The following MROH2B variants were observed in gnomAD, a reference collection of about 807,000 sequenced individuals.
MROH2B encodes the protein maestro heat-like repeat-containing protein family member 2B.
Under a neutral mutation model 208.6 loss-of-function variants are expected in MROH2B, and 177 were observed. That is an observed-to-expected ratio of 0.85 (90% CI 0.75 to 0.96). MROH2B has a LOEUF of 0.96. Ranked by LOEUF, MROH2B falls within the 40% of genes least tolerant of loss-of-function variation. The probability of loss-of-function intolerance (pLI) is 0.00; values close to 1 mark genes in which losing one functional copy is unlikely to be tolerated. For synonymous variants in MROH2B, 728 were observed against 659.0 expected (o/e 1.10, Z -1.60); for missense variants, 2,002 against 1,878.7 (o/e 1.07, Z -1.21).
In MROH2B at chr5:41,049,158, A is replaced by G. The variant is rs1743208883; in HGVS notation, c.1502-17T>C. 2 of 1,601,858 alleles carry G rather than the reference A, an allele frequency of 1.2e-6. No individual in the cohort carries two copies. The highest frequency in any genetic ancestry group is 1.7e-6 in the Non-Finnish European group (2 of 1,173,502). ...GAAGTTTCACTAGAAAGAGAAAGCA[A>G]TTTTCATCATCACTGCAGGGGTTAG... On this transcript the variant is annotated splice_polypyrimidine_tract_variant and intron_variant, in intron 14 of 41. Transcript: ENST00000399564.
intron 13 of MROH2B, among the ~76,000 whole-genome samples, chr5:41,049,750 G>A (rs1418947820): frequency 6.6e-6 from 1 of 152,172 alleles, no homozygotes; most frequent in African/African-American, 2.4e-5. Context: ...CACTTACCAA[G>A]TGCCAGTATT....
Position 41,033,966 on chromosome 5 carries a change from A to G in MROH2B, c.2215-102T>C, listed in dbSNP as rs535566563. The stretch of plus-strand genomic sequence containing the variant: ...ACCCATCAACCTGAAGGACAATAGT[A>G]AAGCAGGAGGTAGAGCCTTGCCAAG... On this transcript the variant is annotated intron_variant, in intron 21 of 41. Coordinates refer to ENST00000399564, the MANE Select transcript of MROH2B (RefSeq NM_173489.5). 2.1e-6 allele frequency: 3 copies of G among 1,404,808 alleles called. No homozygotes were observed. The East Asian group carries it at 1.0e-4, about 49-fold the overall frequency. 87.0% of individuals were successfully genotyped at this position (1,404,808 alleles called of 1,614,324 possible).
intron 33 of MROH2B, among the ~76,000 whole-genome samples, chr5:41,007,989 T>C (rs1741650172): frequency 6.6e-6 from 1 of 152,204 alleles, no homozygotes; most frequent in Non-Finnish European, 1.5e-5. Flanking sequence ...CTAAACGGTG[T>C]TTAAAGTGTC....
chr5:41,000,433 G>C (rs1390302672), intron 38 of MROH2B, 82 bp from the exon 39 acceptor site: 14 of 1,532,742 alleles, frequency 9.1e-6, no homozygotes, highest in Non-Finnish European at 1.2e-5. Flanking sequence ...ATAGTACTGG[G>C]AAAGAAGCAC....
intron 24 of MROH2B, among the ~76,000 whole-genome samples, chr5:41,027,515 C>T (rs1340533404): frequency 6.6e-6 from 1 of 152,048 alleles, no homozygotes; most frequent in Non-Finnish European, 1.5e-5. Flanking sequence ...GTTAGAATGG[C>T]AATCATTAAA....
At chr5:41,002,961 C>T (rs11951927) in intron 37 of MROH2B, among the ~76,000 whole-genome samples, 4,403 of 136,520 alleles carry the variant, frequency 0.032, 254 homozygotes, top group African/African-American at 0.11. Context: ...TTAAAAATTG[C>T]TTTTTTTTTT....
In MROH2B at chr5:41,018,088, T is replaced by C. The variant is rs981142149; in HGVS notation, c.2764-118A>G. The C allele has an allele frequency of 1.2e-5, 16 of 1,366,498 alleles. No homozygotes were observed. In the Admixed American group the frequency reaches 1.4e-4, roughly 12 times the overall value. The allele number at this position is 1,366,498 out of a possible 1,614,324, so 84.6% of individuals were successfully genotyped here. A position where few individuals can be genotyped will look rare whatever the true frequency, so the allele number is the denominator to read the frequency against. On this transcript the variant is annotated intron_variant, in intron 27 of 41. Transcript: ENST00000399564. ...CTCTGCAGGTCCTTAGAATGAAATTTGATCTTGCACTTTCTCCTAAAAGAT... is the reference window on the plus strand; with the variant it reads ...CTCTGCAGGTCCTTAGAATGAAATTCGATCTTGCACTTTCTCCTAAAAGAT...
Position 41,020,488 on chromosome 5 carries a change from T to C in MROH2B, c.2442-1470A>G, listed in dbSNP as rs1450654. 1.5e-3 allele frequency among the ~76,000 whole-genome samples: 221 copies of C among 152,348 alleles called. 6 individuals carry two copies. In the East Asian group the frequency reaches 0.038, roughly 26 times the overall value. ...AGAAATTATGTGGGTGCTTCTTACA[T>C]CTGTTTCTCCCAGTAGGCTGAAACT... On this transcript the variant is annotated intron_variant, in intron 24 of 41. Coordinates refer to ENST00000399564, the MANE Select transcript of MROH2B (RefSeq NM_173489.5).
chr5:41,031,979 T>C (rs1742585995), intron 24 of MROH2B, among the ~76,000 whole-genome samples: 1 of 152,178 alleles, frequency 6.6e-6, no homozygotes, highest in Non-Finnish European at 1.5e-5. Context: ...CGACCATGGA[T>C]GGGCATCTAG....
intron 13 of MROH2B, 108 bp from the exon 14 acceptor site, chr5:41,049,544 A>G (rs1211978956): frequency 2.9e-6 from 4 of 1,402,780 alleles, no homozygotes; most frequent in African/African-American, 1.5e-5. Context: ...TCCTGTTATT[A>G]TTTTGCTTTT....
intron 6 of MROH2B, among the ~76,000 whole-genome samples, chr5:41,058,610 A>G (rs1743536909): frequency 6.6e-6 from 1 of 152,142 alleles, no homozygotes; most frequent in Non-Finnish European, 1.5e-5. Context: ...GGTGCCCACC[A>G]GCATGCCTGG....
Position 41,004,482 on chromosome 5 carries a change from A to G in MROH2B, c.4058T>C (p.Leu1353Pro). 6.2e-7 allele frequency: 1 copy of G among 1,613,716 alleles called. No homozygotes were observed. Among genetic ancestry groups the G allele is most frequent in the Non-Finnish European group, 8.5e-7 (1 of 1,179,802 alleles). ...GACTTCAGTGCGAGCTAGGTGATACAGGCCTCTGATGATAGATTCTAGCAT... is the reference window on the plus strand; with the variant it reads ...GACTTCAGTGCGAGCTAGGTGATACGGGCCTCTGATGATAGATTCTAGCAT... Reference protein sequence around the residue: ...QLMLESIIRGLYHLARTEVVC... With the variant: ...QLMLESIIRGPYHLARTEVVC... The change falls in exon 37 of 42, where the codon CTG becomes CCG. Residue 1353 changes from leucine to proline, a missense_variant. Transcript: ENST00000399564.
At chr5:41,013,039 C>T (rs561747004) in intron 29 of MROH2B, among the ~76,000 whole-genome samples, 9 of 152,302 alleles carry the variant, frequency 5.9e-5, no homozygotes, top group Admixed American at 1.3e-4. Flanking sequence ...AAAAATAATG[C>T]AGAATGTTTA....
chr5:41,022,358 G>A (rs1328660577), intron 24 of MROH2B, among the ~76,000 whole-genome samples: 5 of 152,216 alleles, frequency 3.3e-5, no homozygotes, highest in Admixed American at 6.5e-5. Flanking sequence ...CCCTCATACT[G>A]TGCTTTTCGC....
chr5:41,064,437 T>TC, intron 5 of MROH2B, 35 bp downstream of exon 5: 1 of 1,574,192 alleles, frequency 6.4e-7, no homozygotes, highest in Non-Finnish European at 8.7e-7. Context: ...CACAGCCTGG[T>TC]TTTTAAGCAA....
chr5:41,070,788 G>A, intron 1 of MROH2B, 37 bp downstream of exon 1: 1 of 1,601,732 alleles, frequency 6.2e-7, no homozygotes, highest in Non-Finnish European at 8.5e-7. Flanking sequence ...AAAACACAGG[G>A]AAGAGCCTTG....
chr5:41,038,148 T>A (rs1038343239), intron 21 of MROH2B, among the ~76,000 whole-genome samples: 9 of 152,210 alleles, frequency 5.9e-5, no homozygotes, highest in Admixed American at 1.3e-4. Context: ...ACTTAAAATA[T>A]GTATATGACA....
At chr5:41,061,818 A>G (rs963192147) in intron 5 of MROH2B, 94 bp from the exon 6 acceptor site, 3 of 1,324,352 alleles carry the variant, frequency 2.3e-6, no homozygotes, top group Admixed American at 2.6e-5. Flanking sequence ...TGATTAGTAA[A>G]TATGTAATGG....
intron 29 of MROH2B, 39 bp from the exon 30 acceptor site, chr5:41,012,774 C>T (rs545488211): frequency 6.2e-7 from 1 of 1,609,146 alleles, no homozygotes; most frequent in East Asian, 2.2e-5. Context: ...AATCAACCAC[C>T]CCATTTTATA....
Sources: gnomAD v4.1 joint callset for allele counts (sites outside exome capture counted in the v4.1 genomes callset) on GRCh38, gnomAD v4.1.1 for gene constraint, MANE v1.5 for transcripts, NCBI Gene and HGNC (gene_info 2026-07-23, HGNC 2026-07-21) for gene names.